Variants in DOK6 observed in about 807,000 individuals in gnomAD.
The protein encoded by DOK6 is downstream of tyrosine kinase 6.
DOK6 carries 22 observed loss-of-function variants against 44.0 expected under a neutral mutation model. That is an observed-to-expected ratio of 0.50 (90% confidence interval 0.36 to 0.71). The LOEUF is 0.71. Among genes scored for constraint, DOK6 ranks in the 30% least tolerant of loss-of-function variants. DOK6 has a pLI of 0.00. For missense variants in DOK6, 340 were observed against 416.4 expected (o/e 0.82, Z 1.60); for synonymous variants, 166 against 145.5 (o/e 1.14, Z -1.01).
intron 7 of DOK6, among the ~76,000 whole-genome samples, chr18:69,810,992 C>T (rs1247641137): frequency 1.3e-5 from 2 of 151,988 alleles, no homozygotes; most frequent in Non-Finnish European, 2.9e-5. Context: ...AAAGATATAT[C>T]CATACTGTCA....
chr18:69,683,258 C>G (rs919075602), intron 4 of DOK6, among the ~76,000 whole-genome samples: 2 of 152,010 alleles, frequency 1.3e-5, no homozygotes, highest in Non-Finnish European at 2.9e-5. Context: ...CCTGGAAATG[C>G]TACTCTGACA....
chr18:69,738,709 T>C (rs962132624), intron 5 of DOK6, among the ~76,000 whole-genome samples: 10 of 152,262 alleles, frequency 6.6e-5, no homozygotes, highest in Non-Finnish European at 1.2e-4. Flanking sequence ...ACCTTTTTTT[T>C]CTGTTCCTTT....
At chr18:69,448,694 G>C (rs1268532352) in intron 1 of DOK6, among the ~76,000 whole-genome samples, 2 of 152,060 alleles carry the variant, frequency 1.3e-5, no homozygotes, top group Admixed American at 1.3e-4. Flanking sequence ...CTTAATAGTT[G>C]ATTATACCAT....
chr18:69,510,022 A>C (rs2144555474), intron 1 of DOK6, among the ~76,000 whole-genome samples: 1 of 152,380 alleles, frequency 6.6e-6, no homozygotes, highest in South Asian at 2.1e-4. Context: ...CGCATACAAG[A>C]CTAATGGAAG....
intron 3 of DOK6, among the ~76,000 whole-genome samples, chr18:69,628,972 C>A (rs976422616): frequency 1.3e-5 from 2 of 152,160 alleles, no homozygotes; most frequent in African/African-American, 4.8e-5. Context: ...GCAAAAGAGC[C>A]CAGCTTATCC....
chr18:69,743,254 A>T (rs905274618), intron 6 of DOK6, among the ~76,000 whole-genome samples: 2 of 152,258 alleles, frequency 1.3e-5, no homozygotes, highest in East Asian at 3.8e-4. Context: ...TTTGAACACG[A>T]TATGTTCATC....
At chr18:69,595,181 T>G (rs1184860461) in intron 2 of DOK6, among the ~76,000 whole-genome samples, 1 of 152,202 alleles carries the variant, frequency 6.6e-6, no homozygotes, top group African/African-American at 2.4e-5. Context: ...CTCAAAGCAA[T>G]CTACAGATTC....
intron 1 of DOK6, among the ~76,000 whole-genome samples, chr18:69,433,422 G>A (rs1978861265): frequency 6.6e-6 from 1 of 152,118 alleles, no homozygotes; most frequent in South Asian, 2.1e-4. Flanking sequence ...TCTTTTAAGT[G>A]AGCTACATTT....
chr18:69,759,847 GTGA>G (rs1357197968), intron 7 of DOK6, among the ~76,000 whole-genome samples: 2 of 152,104 alleles, frequency 1.3e-5, no homozygotes, highest in Non-Finnish European at 2.9e-5. Context: ...TGGTTGGTTG[GTGA>G]TGATTACAGA....
chr18:69,774,136 A>AGATT (rs1329088749), intron 7 of DOK6, among the ~76,000 whole-genome samples: 13 of 117,286 alleles, frequency 1.1e-4, no homozygotes, highest in African/African-American at 3.0e-4. Flanking sequence ...TATATGAGAT[A>AGATT]TATATATATA....
At chr18:69,546,075 C>A (rs562121420) in intron 1 of DOK6, among the ~76,000 whole-genome samples, 2 of 151,020 alleles carry the variant, frequency 1.3e-5, no homozygotes, top group Non-Finnish European at 3.0e-5. Flanking sequence ...GTTGGGAGTT[C>A]GAGACCAGGC....
chr18:69,729,274 A>T (rs1203661703), intron 5 of DOK6, among the ~76,000 whole-genome samples: 1 of 152,200 alleles, frequency 6.6e-6, no homozygotes, highest in African/African-American at 2.4e-5. Context: ...CTGTGAGTTA[A>T]ACCTCGCTTT....
chr18:69,603,847 A>G (rs1222267407), intron 3 of DOK6, among the ~76,000 whole-genome samples: 1 of 151,718 alleles, frequency 6.6e-6, no homozygotes, highest in African/African-American at 2.4e-5. Flanking sequence ...AAAAGTTGAC[A>G]TTAAAATGCA....
intron 2 of DOK6, among the ~76,000 whole-genome samples, chr18:69,579,304 T>TC (rs1047543852): frequency 4.6e-5 from 7 of 152,216 alleles, no homozygotes; most frequent in Admixed American, 3.9e-4. Context: ...TGCAACTATT[T>TC]CCCCATAGTT....
At chr18:69,712,530 C>T (rs1986789865) in intron 5 of DOK6, among the ~76,000 whole-genome samples, 1 of 151,986 alleles carries the variant, frequency 6.6e-6, no homozygotes, top group African/African-American at 2.4e-5. Flanking sequence ...ACTCTCTGGG[C>T]ATGCCAATTA....
intron 1 of DOK6, among the ~76,000 whole-genome samples, chr18:69,495,630 G>A (rs1389314205): frequency 6.6e-6 from 1 of 152,170 alleles, no homozygotes; most frequent in Non-Finnish European, 1.5e-5. Context: ...TCCTGTCAGC[G>A]GGACTGGTAG....
chr18:69,730,753 T>G (rs2144731065), intron 5 of DOK6, among the ~76,000 whole-genome samples: 1 of 152,314 alleles, frequency 6.6e-6, no homozygotes, highest in East Asian at 1.9e-4. Context: ...GTTTAAAACT[T>G]AGATTCATTT....
At chr18:69,756,115 C>T (rs1395554209) in intron 6 of DOK6, among the ~76,000 whole-genome samples, 1 of 152,198 alleles carries the variant, frequency 6.6e-6, no homozygotes, top group Non-Finnish European at 1.5e-5. Context: ...TTTACGTGGG[C>T]TTGTTTAGAC....
chr18:69,758,479 ATTT>A (rs10570084), intron 7 of DOK6, among the ~76,000 whole-genome samples: 9 of 151,170 alleles, frequency 6.0e-5, no homozygotes, highest in Non-Finnish European at 8.8e-5. Flanking sequence ...TAGCTAGCAG[ATTT>A]TTTTTTTTTA....
Sources: gnomAD v4.1 joint callset for allele counts (sites outside exome capture counted in the v4.1 genomes callset) on GRCh38, gnomAD v4.1.1 for gene constraint, MANE v1.5 for transcripts, NCBI Gene and HGNC (gene_info 2026-07-23, HGNC 2026-07-21) for gene names.